WDFY3: variants seen among roughly 807,000 people sequenced by gnomAD.
The protein encoded by WDFY3 is WD repeat and FYVE domain containing 3, also known as WD repeat and FYVE domain-containing protein 3.
In WDFY3, 66 loss-of-function variants were observed where a neutral mutation model predicts 409.6. That is an observed-to-expected ratio of 0.16 (90% CI 0.13 to 0.20). The LOEUF (loss-of-function observed/expected upper bound fraction) is 0.20, where lower values mean the gene tolerates loss of function less well. Among genes scored for constraint, WDFY3 ranks in the 10% least tolerant of loss-of-function variants. The pLI, the probability that WDFY3 is intolerant of heterozygous loss-of-function variation, is 1.00. For synonymous variants in WDFY3, 1,521 were observed against 1,537.1 expected, an observed-to-expected ratio of 0.99 and a Z score of 0.25; for missense variants, 3,031 against 4,298.1, an observed-to-expected ratio of 0.71 and a Z score of 8.24.
chr4:84,915,919 A>C (rs1393582382), intron 2 of WDFY3, among the ~76,000 whole-genome samples: 3 of 152,170 alleles, frequency 2.0e-5, no homozygotes, highest in Non-Finnish European at 4.4e-5. Context: ...GTTGTTTTCT[A>C]ATCAGGAATG....
chr4:84,893,400 T>C (rs116034996), intron 3 of WDFY3, among the ~76,000 whole-genome samples: 303 of 151,434 alleles, frequency 2.0e-3, no homozygotes, highest in African/African-American at 6.8e-3. Context: ...TAATCTGAGG[T>C]TTGGGATTAC....
At chr4:84,795,129 C>T (rs986652486) in intron 19 of WDFY3, 150 bp from the exon 20 acceptor site, 10 of 467,524 alleles carry the variant, frequency 2.1e-5, no homozygotes, top group African/African-American at 2.0e-4. Flanking sequence ...AAGCCCTTCC[C>T]TTCTTTTAAT....
At position 84,696,766 on chromosome 4, in the gene WDFY3, C is replaced by G. The variant is rs1331441574; in HGVS notation, c.8654G>C (p.Gly2885Ala). ...GDVILPPWAK[G>A]DPREFIRVHR... Reference sequence around the variant, plus strand: ...GACTCTGATGAATTCTCGTGGGTCCCCTTTTGCCCAGGGTGGAAGGATAAC... The same window carrying G: ...GACTCTGATGAATTCTCGTGGGTCCGCTTTTGCCCAGGGTGGAAGGATAAC... The change falls in exon 57 of 68, where the codon GGG becomes GCG. Residue 2885 changes from glycine (G) to alanine (A), a missense_variant. Physicochemically the swap from Gly to Ala is moderately conservative, Grantham distance 60 (BLOSUM62 0). This residue lies in a region of WDFY3 where 129 missense variants were observed against 305.3 expected (regional missense o/e 0.42). Transcript: ENST00000295888. The G allele has an allele frequency of 6.2e-7, 1 of 1,613,700 alleles. No individual in the cohort carries two copies. Among genetic ancestry groups the G allele is most frequent in the Admixed American group, 1.7e-5 (1 of 59,974 alleles).
At chr4:84,725,754 T>A (rs1735551258) in intron 45 of WDFY3, among the ~76,000 whole-genome samples, 1 of 152,170 alleles carries the variant, frequency 6.6e-6, no homozygotes, top group Admixed American at 6.5e-5. Context: ...AATGCCCTTT[T>A]CAAGCAACAT....
At chr4:84,682,056 C>T (rs1263697030) in intron 64 of WDFY3, among the ~76,000 whole-genome samples, 1 of 152,182 alleles carries the variant, frequency 6.6e-6, no homozygotes, top group Non-Finnish European at 1.5e-5. Context: ...CTGACTTATA[C>T]AACAGCACGC....
chr4:84,891,426 C>A (rs1466319554), intron 3 of WDFY3, among the ~76,000 whole-genome samples: 3 of 151,794 alleles, frequency 2.0e-5, no homozygotes, highest in Non-Finnish European at 4.4e-5. Context: ...TATTCATTTA[C>A]AAATTAATTT....
At chr4:84,723,720 G>C (rs868275042) in intron 46 of WDFY3, among the ~76,000 whole-genome samples, 1 of 152,174 alleles carries the variant, frequency 6.6e-6, no homozygotes, top group Non-Finnish European at 1.5e-5. Context: ...AGACATGAGC[G>C]AAGTATTATC....
chr4:84,769,575 C>G (rs372063981), intron 30 of WDFY3, among the ~76,000 whole-genome samples: 1 of 151,956 alleles, frequency 6.6e-6, no homozygotes, highest in Non-Finnish European at 1.5e-5. Flanking sequence ...CCACCATGCC[C>G]GGCTAATTTT....
At position 84,787,540 on chromosome 4, in the gene WDFY3, A is replaced by G; in HGVS notation, c.3843T>C (p.Thr1281=). 2 of 1,614,214 alleles carry G rather than the reference A, an allele frequency of 1.2e-6. No homozygotes were observed. The highest frequency in any genetic ancestry group is 1.7e-6 in the Non-Finnish European group (2 of 1,180,032). The part of the protein sequence containing the change: ...LEEVLPSSNV[T]TIYELGPNYV... Reference sequence around the variant, plus strand: ...AATTTGGTCCAAGTTCATAAATGGTAGTAACATTTGAAGAAGGTAAAACTT... The same window carrying G: ...AATTTGGTCCAAGTTCATAAATGGTGGTAACATTTGAAGAAGGTAAAACTT... Residue 1281 remains threonine (T), a synonymous_variant, in exon 23 of 68, where the codon ACT becomes ACC. Transcript: ENST00000295888.
intron 37 of WDFY3, among the ~76,000 whole-genome samples, chr4:84,742,591 G>A (rs1036065535): frequency 1.1e-4 from 16 of 152,176 alleles, no homozygotes; most frequent in Admixed American, 5.9e-4. Flanking sequence ...ACAGCAAGAG[G>A]TGTGAGGTGG....
intron 51 of WDFY3, among the ~76,000 whole-genome samples, chr4:84,712,393 AAAG>A (rs1733065362): frequency 2.0e-5 from 3 of 150,868 alleles, no homozygotes; most frequent in African/African-American, 7.3e-5. Context: ...AAAAAAAAAA[AAAG>A]AAGAATCACA....
chr4:84,794,967 C>CA lies in WDFY3; in HGVS notation c.3179dup (p.Leu1060PhefsTer8). 4 of 1,546,954 alleles carry CA rather than the reference C, an allele frequency of 2.6e-6. No homozygotes were observed. Among genetic ancestry groups the CA allele is most frequent in the South Asian group, 1.3e-5 (1 of 76,984 alleles). On this transcript the variant is annotated frameshift_variant, in exon 20 of 68. Coordinates refer to ENST00000295888, the MANE Select transcript of WDFY3 (RefSeq NM_014991.6). LOFTEE classifies it high-confidence loss of function. The stretch of plus-strand genomic sequence containing the variant: ...GAGCATTATGAGGGGCCAAACTGGG[C>CA]AAAAAAAGACATCTATTAAAGAAAA...
chr4:84,735,645 T>C (rs991929952), intron 42 of WDFY3, among the ~76,000 whole-genome samples: 1 of 152,102 alleles, frequency 6.6e-6, no homozygotes, highest in Non-Finnish European at 1.5e-5. Flanking sequence ...CATCTCAGAG[T>C]TTGCTTCCTA....
intron 15 of WDFY3, among the ~76,000 whole-genome samples, chr4:84,804,900 G>A (rs1751252370): frequency 6.6e-6 from 1 of 152,202 alleles, no homozygotes; most frequent in South Asian, 2.1e-4. Flanking sequence ...ATACACTCAG[G>A]AAGAAATCTT....
chr4:84,782,160 G>C (rs915989419), intron 25 of WDFY3, among the ~76,000 whole-genome samples: 1 of 152,124 alleles, frequency 6.6e-6, no homozygotes, highest in African/African-American at 2.4e-5. Context: ...TTTTATTATA[G>C]TTTGAGTCAG....
At chr4:84,879,606 T>TATAC (rs1353127593) in intron 3 of WDFY3, 3 of 151,070 alleles carry the variant, frequency 2.0e-5, no homozygotes, top group Non-Finnish European at 3.0e-5. Flanking sequence ...AAACAAAAAT[T>TATAC]ATACATACAC....
chr4:84,807,958 TA>T (rs887679218), intron 15 of WDFY3, among the ~76,000 whole-genome samples: 17 of 143,902 alleles, frequency 1.2e-4, no homozygotes, highest in Middle Eastern at 3.4e-3. Context: ...AAGTAAAAAA[TA>T]AAAAAAAAAT....
chr4:84,693,391 T>C (rs554232969), intron 58 of WDFY3, among the ~76,000 whole-genome samples: 8 of 152,310 alleles, frequency 5.3e-5, no homozygotes, highest in Middle Eastern at 3.4e-3. Context: ...TTCTGTGCCA[T>C]TGAAGGCAGG....
At chr4:84,729,060 A>G (rs1470694962) in intron 44 of WDFY3, among the ~76,000 whole-genome samples, 1 of 152,138 alleles carries the variant, frequency 6.6e-6, no homozygotes, top group African/African-American at 2.4e-5. Context: ...TCCTAGTTAG[A>G]AAAGGAACCT....
Sources: allele counts gnomAD v4.1 joint callset (sites outside exome capture counted in the v4.1 genomes callset), GRCh38; gene constraint gnomAD v4.1.1; regional missense constraint gnomAD v4.1.1; transcripts MANE v1.5; gene names NCBI Gene and HGNC (gene_info 2026-07-23, HGNC 2026-07-21).